Variants in DTD1 observed in about 807,000 individuals in gnomAD.
DTD1 encodes D-aminoacyl-tRNA deacylase 1, also known as D-tyrosyl-tRNA deacylase 1 homolog.
Under a neutral mutation model 25.6 loss-of-function variants are expected in DTD1, and 13 were observed. That is an observed-to-expected ratio of 0.51 (90% CI 0.33 to 0.81). The LOEUF (loss-of-function observed/expected upper bound fraction) is 0.81, where lower values mean the gene tolerates loss of function less well. DTD1 is among the 30% of genes least tolerant of loss of function. The pLI is 0.02. For synonymous variants in DTD1, 110 were observed against 103.6 expected (o/e 1.06, Z -0.37); for missense variants, 193 against 266.4 (o/e 0.72, Z 1.92).
At chr20:18,694,211 G>A (rs1337274976) in intron 4 of DTD1, among the ~76,000 whole-genome samples, 11 of 152,212 alleles carry the variant, frequency 7.2e-5, no homozygotes, top group Admixed American at 7.2e-4. Flanking sequence ...CAAGGTGTGA[G>A]AAGTGAACGA....
intron 4 of DTD1, among the ~76,000 whole-genome samples, chr20:18,667,267 TCAG>T (rs754981275): frequency 8.5e-5 from 13 of 152,204 alleles, no homozygotes; most frequent in Non-Finnish European, 1.5e-4. Flanking sequence ...TGTTTTGTTC[TCAG>T]CAGCTGGTAC....
intron 4 of DTD1, among the ~76,000 whole-genome samples, chr20:18,648,995 C>CAAAAAAAAAAAA (rs57780175): frequency 8.9e-5 from 5 of 56,276 alleles, no homozygotes; most frequent in South Asian, 9.6e-4. Flanking sequence ...GACTCCATCT[C>CAAAAAAAAAAAA]AAAAAAAAAA....
rs117619290 is a variant in DTD1 at position 18,715,928 on chromosome 20, T to C, written c.478-28172T>C. Among the ~76,000 whole-genome samples the C allele has an allele frequency of 9.0e-3, 1,376 of 152,274 alleles. 9 individuals are homozygous for C. The highest frequency in any genetic ancestry group is 0.012 in the Non-Finnish European group (847 of 68,022). On this transcript the variant is annotated intron_variant, in intron 4 of 5. Transcript: ENST00000377452. The stretch of plus-strand genomic sequence containing the variant: ...TCTGGAGTCTGTTGTTGGCACTGAC[T>C]CTTGTTTGGGCTTAGTTTATGTCAT...
chr20:18,660,518 G>A (rs2060905999), intron 4 of DTD1, among the ~76,000 whole-genome samples: 1 of 151,934 alleles, frequency 6.6e-6, no homozygotes, highest in African/African-American at 2.4e-5. Flanking sequence ...ACCGTGGGTG[G>A]CCCAAAAAAG....
At chr20:18,597,482 C>G (rs752742336) in intron 3 of DTD1, among the ~76,000 whole-genome samples, 71 of 152,164 alleles carry the variant, frequency 4.7e-4, no homozygotes, top group Non-Finnish European at 8.2e-4. Flanking sequence ...TTTTGTCCCA[C>G]TTAAAAGAAA....
chr20:18,725,977 G>C (rs550986361), intron 4 of DTD1, among the ~76,000 whole-genome samples: 1 of 152,340 alleles, frequency 6.6e-6, no homozygotes, highest in South Asian at 2.1e-4. Flanking sequence ...CCTCCAGGCA[G>C]CTGGGTACTG....
intron 4 of DTD1, among the ~76,000 whole-genome samples, chr20:18,723,266 G>C (rs2061211839): frequency 6.6e-6 from 1 of 152,322 alleles, no homozygotes; most frequent in East Asian, 1.9e-4. Context: ...GCAGGGGAAG[G>C]CAGGAGACAG....
At chr20:18,718,117 C>T (rs1342019218) in intron 4 of DTD1, among the ~76,000 whole-genome samples, 2 of 152,174 alleles carry the variant, frequency 1.3e-5, no homozygotes, top group Non-Finnish European at 2.9e-5. Flanking sequence ...ACCAGTTTAT[C>T]CTGCTCAATC....
At chr20:18,717,798 G>A (rs988949757) in intron 4 of DTD1, among the ~76,000 whole-genome samples, 4 of 152,114 alleles carry the variant, frequency 2.6e-5, no homozygotes, top group African/African-American at 7.2e-5. Context: ...TAAGCTAAAT[G>A]TGATCAGCTA....
At chr20:18,762,676 G>T (rs2061367704) in intron 5 of DTD1, among the ~76,000 whole-genome samples, 1 of 152,142 alleles carries the variant, frequency 6.6e-6, no homozygotes. Flanking sequence ...TTTAATGTCT[G>T]TAATGTCTGT....
Position 18,764,192 on chromosome 20 carries a change from C to G in DTD1, c.*852C>G, listed in dbSNP as rs1284375452. ...CACTGTTCTGAGACCAAGTGTGGAG[C>G]CACATCTGGTGTATCCAGCTTTGGG... On this transcript the variant is annotated 3_prime_UTR_variant, in exon 6 of 6. Transcript: ENST00000377452. 6.6e-6 allele frequency: 1 copy of G among 152,190 alleles called. No individual in the cohort carries two copies. Among genetic ancestry groups the G allele is most frequent in the African/African-American group, 2.4e-5 (1 of 41,424 alleles). 9.4% of individuals were successfully genotyped at this position (152,190 alleles called of 1,614,324 possible). A position where few individuals can be genotyped will look rare whatever the true frequency, so the allele number is the denominator to read the frequency against.
At chr20:18,703,159 G>A (rs906227864) in intron 4 of DTD1, among the ~76,000 whole-genome samples, 4 of 152,200 alleles carry the variant, frequency 2.6e-5, no homozygotes, top group African/African-American at 9.7e-5. Flanking sequence ...ACACTTGACT[G>A]TTAGTTTATA....
chr20:18,591,364 G>C (rs1182064539), intron 1 of DTD1, among the ~76,000 whole-genome samples: 8 of 152,162 alleles, frequency 5.3e-5, no homozygotes, highest in Non-Finnish European at 1.2e-4. Flanking sequence ...TCACTACACT[G>C]TTATTTACTG....
At chr20:18,636,572 A>C (rs2060808272) in intron 4 of DTD1, among the ~76,000 whole-genome samples, 1 of 152,196 alleles carries the variant, frequency 6.6e-6, no homozygotes, top group African/African-American at 2.4e-5. Flanking sequence ...GTCTGTAATG[A>C]CTGATGAGGT....
intron 4 of DTD1, among the ~76,000 whole-genome samples, chr20:18,700,552 G>A (rs2061100349): frequency 6.6e-6 from 1 of 151,524 alleles, no homozygotes; most frequent in African/African-American, 2.4e-5. Flanking sequence ...ATACAAGTGG[G>A]ATTTTTTTTG....
At chr20:18,759,826 A>G (rs1056405920) in intron 5 of DTD1, among the ~76,000 whole-genome samples, 3 of 152,154 alleles carry the variant, frequency 2.0e-5, no homozygotes, top group African/African-American at 2.4e-5. Context: ...ATCCTGCAGC[A>G]TGTTTTCCAA....
At chr20:18,621,600 T>C (rs1405057458) in intron 3 of DTD1, among the ~76,000 whole-genome samples, 1 of 152,186 alleles carries the variant, frequency 6.6e-6, no homozygotes, top group Non-Finnish European at 1.5e-5. Flanking sequence ...ATATTTGCAT[T>C]AGAAGTGTAA....
At chr20:18,722,938 G>A (rs1475903086) in intron 4 of DTD1, among the ~76,000 whole-genome samples, 1 of 152,098 alleles carries the variant, frequency 6.6e-6, no homozygotes, top group Non-Finnish European at 1.5e-5. Context: ...CACCATAAGA[G>A]AGGGAAAAAA....
At chr20:18,734,096 C>T (rs1351479489) in intron 4 of DTD1, among the ~76,000 whole-genome samples, 1 of 152,168 alleles carries the variant, frequency 6.6e-6, no homozygotes, top group East Asian at 1.9e-4. Context: ...ATGTTTTTAT[C>T]AGCTAGAGGT....
Sources: allele counts gnomAD v4.1 joint callset (sites outside exome capture counted in the v4.1 genomes callset), GRCh38; gene constraint gnomAD v4.1.1; transcripts MANE v1.5; gene names NCBI Gene and HGNC (gene_info 2026-07-23, HGNC 2026-07-21).